EVC2: variants seen among roughly 807,000 people sequenced by gnomAD.
EVC2 encodes the protein EvC ciliary complex subunit 2.
Under a neutral mutation model 149.3 loss-of-function variants are expected in EVC2, and 148 were observed. That is an observed-to-expected ratio of 0.99 (90% confidence interval 0.87 to 1.14). The LOEUF (loss-of-function observed/expected upper bound fraction) is 1.14. Among genes scored for constraint, EVC2 ranks in the 50% most tolerant of loss-of-function variants. EVC2 has a pLI of 0.00. For missense variants in EVC2, 1,854 were observed against 1,627.3 expected, an observed-to-expected ratio of 1.14 and a Z score of -2.40; for synonymous variants, 776 against 649.9, an observed-to-expected ratio of 1.19 and a Z score of -2.95.
rs1264357276 is a variant in EVC2, at chr4:5,696,401, C to T, written c.283+1192G>A. 6.6e-6 allele frequency among the ~76,000 whole-genome samples: 1 copy of T among 152,174 alleles called. No individual in the cohort carries two copies. Among genetic ancestry groups the T allele is most frequent in the Non-Finnish European group, 1.5e-5 (1 of 68,038 alleles). Reference sequence around the variant, plus strand: ...GGCCCACCCGAATCCCAGCCCATCCCATTCCCCAGGACACCAGAGTTAGGC... The same window carrying T: ...GGCCCACCCGAATCCCAGCCCATCCTATTCCCCAGGACACCAGAGTTAGGC... On this transcript the variant is annotated intron_variant, in intron 2 of 21. Transcript: ENST00000344408. This position sits in a 1 kb window ranked among gnomAD's most constrained non-coding sequence, Gnocchi z 4.1.
At chr4:5,671,393 C>T (rs1719640053) in intron 7 of EVC2, among the ~76,000 whole-genome samples, 2 of 152,226 alleles carry the variant, frequency 1.3e-5, no homozygotes, top group South Asian at 4.1e-4. Context: ...GGAGTAGCAG[C>T]AGGGCAGGAT....
intron 3 of EVC2, among the ~76,000 whole-genome samples, chr4:5,691,626 G>A (rs1270004161): frequency 6.6e-6 from 1 of 152,184 alleles, no homozygotes; most frequent in South Asian, 2.1e-4. Context: ...ATACCAGCAA[G>A]GGGGACGTGG....
chr4:5,535,202 T>G, the EVC2 span, among the ~76,000 whole-genome samples: 11 of 152,126 alleles, frequency 7.2e-5, no homozygotes, highest in Non-Finnish European at 1.3e-4. This position sits in a 1 kb window ranked among gnomAD's most constrained non-coding sequence, Gnocchi z 4.7. Flanking sequence ...CAGCTCCCAG[T>G]GCCAGCTCCC....
At chr4:5,597,138 G>C (rs548329200) in intron 16 of EVC2, among the ~76,000 whole-genome samples, 63 of 152,232 alleles carry the variant, frequency 4.1e-4, no homozygotes, top group African/African-American at 9.4e-4. Flanking sequence ...ACCAGAGGTA[G>C]AAGGAGGAAC....
At chr4:5,672,060 T>C (rs1422345813) in intron 7 of EVC2, among the ~76,000 whole-genome samples, 1 of 152,152 alleles carries the variant, frequency 6.6e-6, no homozygotes. Context: ...GAGCTCACAG[T>C]CCTACAGAGG....
At position 5,686,244 on chromosome 4, in the gene EVC2, G is replaced by A. The variant is rs904031272; in HGVS notation, c.707-765C>T. On this transcript the variant is annotated intron_variant, in intron 5 of 21. Transcript: ENST00000344408. The surrounding 1 kb of genome is among the most constrained non-coding windows in gnomAD (Gnocchi z 5.4). ...AAATTTTTTATTTATTTATTTCTGAGACAGGCTCTCTCTATGTTGCCCAGA... is the reference window on the plus strand; with the variant it reads ...AAATTTTTTATTTATTTATTTCTGAAACAGGCTCTCTCTATGTTGCCCAGA... Among the ~76,000 whole-genome samples the A allele has an allele frequency of 6.6e-6, 1 of 151,834 alleles. No individual in the cohort carries two copies. Among genetic ancestry groups the A allele is most frequent in the South Asian group, 2.1e-4 (1 of 4,798 alleles).
rs1716682806 is a variant in EVC2, at chr4:5,633,284, G to C, written c.1471-1252C>G. ...AAGCTCCAGAGGAGAATGCAGCTCA[G>C]CCAAGACCCTGATTGCCAGCCTGCA... On this transcript the variant is annotated intron_variant, in intron 10 of 21. Coordinates refer to ENST00000344408, the MANE Select transcript of EVC2 (RefSeq NM_147127.5). The surrounding 1 kb of genome is among the most constrained non-coding windows in gnomAD (Gnocchi z 4.4). 6.6e-6 allele frequency among the ~76,000 whole-genome samples: 1 copy of C among 152,184 alleles called. No individual in the cohort carries two copies. The highest frequency in any genetic ancestry group is 1.5e-5 in the Non-Finnish European group (1 of 68,040).
chr4:5,670,235 CCAT>C lies in EVC2; in HGVS notation c.871-4589_871-4587del, dbSNP rs1269508810. On this transcript the variant is annotated intron_variant, in intron 7 of 21. Transcript: ENST00000344408. This position sits in a 1 kb window ranked among gnomAD's most constrained non-coding sequence, Gnocchi z 5.2. ...ATGATTATCAACATCATCAATATCCCCATCATAACTATCTTTACCATCACCATC... is the reference window on the plus strand; with the variant it reads ...ATGATTATCAACATCATCAATATCCCCATAACTATCTTTACCATCACCATC... 2.0e-5 allele frequency among the ~76,000 whole-genome samples: 3 copies of C among 152,030 alleles called. No homozygotes were observed. The highest frequency in any genetic ancestry group is 7.2e-5 in the African/African-American group (3 of 41,388).
chr4:5,661,829 T>G (rs768735019), intron 9 of EVC2, among the ~76,000 whole-genome samples: 10 of 152,238 alleles, frequency 6.6e-5, no homozygotes, highest in Non-Finnish European at 1.3e-4. Context: ...TACTAGTATA[T>G]GCCCTTGGGC....
intron 6 of EVC2, among the ~76,000 whole-genome samples, chr4:5,682,578 G>A (rs1720423899): frequency 6.6e-6 from 1 of 151,672 alleles, no homozygotes; most frequent in Non-Finnish European, 1.5e-5. Flanking sequence ...AACCAGACTG[G>A]CTGGGCGCTG....
intron 21 of EVC2, among the ~76,000 whole-genome samples, chr4:5,544,956 C>G (rs572981584): frequency 6.6e-6 from 1 of 152,240 alleles, no homozygotes; most frequent in Non-Finnish European, 1.5e-5. Flanking sequence ...AGCACTGGCA[C>G]TGCACCTCAA....
intron 10 of EVC2, 23 bp from the exon 11 acceptor site, chr4:5,632,055 G>A (rs138278431): frequency 3.9e-5 from 63 of 1,613,018 alleles, no homozygotes; most frequent in Admixed American, 8.3e-5. Context: ...AAGGGAGAGC[G>A]TGAGAAACTG....
chr4:5,540,834 C>T (rs973377537), downstream of EVC2, among the ~76,000 whole-genome samples: 1 of 152,148 alleles, frequency 6.6e-6, no homozygotes, highest in Non-Finnish European at 1.5e-5. Context: ...TACCTCAATA[C>T]AGTTTTTTTA....
chr4:5,547,826 TGAAGA>T (rs924201087), intron 21 of EVC2, among the ~76,000 whole-genome samples: 19 of 152,290 alleles, frequency 1.2e-4, no homozygotes, highest in South Asian at 4.1e-4. Flanking sequence ...ATGTTGTGGT[TGAAGA>T]GAAGAGAAGA....
chr4:5,663,161 A>G lies in EVC2; in HGVS notation c.1091T>C (p.Met364Thr), dbSNP rs1719017285. 1 of 1,614,216 alleles carries G rather than the reference A, an allele frequency of 6.2e-7. No individual in the cohort carries two copies. The highest frequency in any genetic ancestry group is 1.6e-4 in the Middle Eastern group (1 of 6,062). The change falls in exon 9 of 22, where the codon ATG (methionine) becomes ACG (threonine). Residue 364 changes from methionine to threonine, a missense_variant. Met to Thr is a moderately conservative substitution (Grantham distance 81). Coordinates refer to ENST00000344408, the MANE Select transcript of EVC2 (RefSeq NM_147127.5). ...GTCCTCGGAAGACAGAATGTCTATC[A>G]TTTGGTCGTTAAGGGAAAGGTCCTC... ...VNEDLSLNDQ[M>T]IDILSSEDPG... is the part of the protein sequence containing the mutation.
chr4:5,584,847 G>C lies in EVC2; in HGVS notation c.2833C>G (p.Arg945Gly), dbSNP rs1301855639. The C allele has an allele frequency of 2.5e-6, 4 of 1,614,008 alleles. No homozygotes were observed. The highest frequency in any genetic ancestry group is 3.4e-6 in the Non-Finnish European group (4 of 1,180,048). The change falls in exon 17 of 22, where the codon CGA becomes GGA. Residue 945 changes from arginine (R) to glycine (G), a missense_variant. Physicochemically the swap from Arg to Gly is moderately radical, Grantham distance 125 (BLOSUM62 -2). Transcript: ENST00000344408. ...QASEDLVEKV[R>G]GELLRERVQR... ...ACTCTCTCCCGCAGCAATTCACCTC[G>C]AACCTGGGAGGGGACAGGGATGGAC...
intron 21 of EVC2, among the ~76,000 whole-genome samples, chr4:5,547,255 T>C (rs1721640595): frequency 6.6e-6 from 1 of 152,220 alleles, no homozygotes; most frequent in South Asian, 2.1e-4. Context: ...CCTCTGGACT[T>C]TGGACACCAA....
chr4:5,688,537 A>G (rs1490407243), intron 5 of EVC2, among the ~76,000 whole-genome samples: 2 of 152,178 alleles, frequency 1.3e-5, no homozygotes, highest in African/African-American at 2.4e-5. Context: ...CATGGTACCA[A>G]CTGAATCCCA....
Position 5,625,806 on chromosome 4 carries a change from T to C in EVC2, c.1989A>G (p.Glu663=). 1 of 1,614,166 alleles carries C rather than the reference T, an allele frequency of 6.2e-7. No homozygotes were observed. Among genetic ancestry groups the C allele is most frequent in the Non-Finnish European group, 8.5e-7 (1 of 1,180,032 alleles). Residue 663 remains glutamate (E), a synonymous_variant, in exon 13 of 22, where the codon GAA becomes GAG. Coordinates refer to ENST00000344408, the MANE Select transcript of EVC2 (RefSeq NM_147127.5). The surrounding 1 kb of genome is among the most constrained non-coding windows in gnomAD (Gnocchi z 4.0). ...KQKLDNDLKQ[E]KKKLHQKLIT... ...TTAATTTTTGGTGGAGCTTTTTCTT[T>C]TCCTGCTTTAAGTCATTGTCCAACT...
Sources: allele counts gnomAD v4.1 joint callset (sites outside exome capture counted in the v4.1 genomes callset), GRCh38; gene constraint gnomAD v4.1.1; non-coding constraint Gnocchi (gnomAD v3.1); transcripts MANE v1.5; gene names NCBI Gene and HGNC (gene_info 2026-07-23, HGNC 2026-07-21).